CAP2: variants seen among roughly 807,000 people sequenced by gnomAD.
CAP2 encodes adenylyl cyclase-associated protein 2.
A neutral mutation model predicts 57.7 loss-of-function variants in CAP2; 24 were observed. The observed-to-expected ratio is 0.42, with a 90% CI of 0.30 to 0.58. CAP2 has a LOEUF of 0.58. Among genes scored for constraint, CAP2 ranks in the 20% least tolerant of loss-of-function variants. The pLI, the probability that CAP2 is intolerant of heterozygous loss-of-function variation, is 0.22. For synonymous variants in CAP2, 194 were observed against 207.2 expected (o/e 0.94, Z 0.55); for missense variants, 501 against 590.3 (o/e 0.85, Z 1.57).
rs946748541 is a variant in CAP2 at position 17,496,061 on chromosome 6, C to T, written c.301-11108C>T. ...GGGGTAAGTCAGGGAAAACAGGCTG[C>T]TTTACCTCTGTTAAATGCCCTTGAA... is the stretch of plus-strand genomic sequence containing the variant. On this transcript the variant is annotated intron_variant, in intron 4 of 12. Coordinates refer to ENST00000229922, the MANE Select transcript of CAP2 (RefSeq NM_006366.3). Among the ~76,000 whole-genome samples, 36 of 141,826 alleles carry T rather than the reference C, an allele frequency of 2.5e-4. No individual in the cohort carries two copies. In the East Asian group the frequency reaches 6.0e-3, roughly 24 times the overall value. 93.0% of individuals were successfully genotyped at this position (141,826 alleles called of 152,430 possible). A position where few individuals can be genotyped will look rare whatever the true frequency, so the allele number is the denominator to read the frequency against.
intron 7 of CAP2, among the ~76,000 whole-genome samples, chr6:17,537,206 A>G (rs929728002): frequency 3.3e-5 from 5 of 152,154 alleles, no homozygotes; most frequent in Non-Finnish European, 7.4e-5. Flanking sequence ...TTGCTTTGAG[A>G]CAGGGTCTCA....
intron 3 of CAP2, among the ~76,000 whole-genome samples, chr6:17,457,608 T>G (rs1175514833): frequency 6.6e-6 from 1 of 152,154 alleles, no homozygotes; most frequent in East Asian, 1.9e-4. Flanking sequence ...CTCAGAAAGG[T>G]TTTGTCTACA....
At chr6:17,420,339 A>G (rs1445559581) in intron 1 of CAP2, among the ~76,000 whole-genome samples, 1 of 152,272 alleles carries the variant, frequency 6.6e-6, no homozygotes, top group African/African-American at 2.4e-5. Context: ...ACCATTTGTC[A>G]TATTTTAAAT....
chr6:17,507,812 T>G lies in CAP2; in HGVS notation c.530+86T>G, dbSNP rs773436126. The G allele has an allele frequency of 6.6e-6, 5 of 762,880 alleles. No homozygotes were observed. The African/African-American group carries it at 8.6e-5, about 13-fold the overall frequency. The allele number at this position is 762,880 out of a possible 1,614,324, so 47.3% of individuals were successfully genotyped here. A position where few individuals can be genotyped will look rare whatever the true frequency, so the allele number is the denominator to read the frequency against. ...AAAACTCAGTCCAGTTAACTACTGA[T>G]TCCTTTCCAAGGCTCTACACTAATG... is the stretch of plus-strand genomic sequence containing the variant. On this transcript the variant is annotated intron_variant, in intron 6 of 12. Transcript: ENST00000229922.
chr6:17,477,097 C>T (rs895094916), intron 4 of CAP2, among the ~76,000 whole-genome samples: 1 of 152,154 alleles, frequency 6.6e-6, no homozygotes, highest in Non-Finnish European at 1.5e-5. Flanking sequence ...TCTCAATCTC[C>T]TGACCTCAGG....
At chr6:17,426,830 AT>A in intron 3 of CAP2, 140 bp downstream of exon 3, 1 of 642,508 alleles carries the variant, frequency 1.6e-6, no homozygotes. Flanking sequence ...TAAAACATTC[AT>A]TTACCCATTT....
At chr6:17,397,452 T>C (rs925173874) in intron 1 of CAP2, among the ~76,000 whole-genome samples, 1 of 151,638 alleles carries the variant, frequency 6.6e-6, no homozygotes, top group Non-Finnish European at 1.5e-5. Flanking sequence ...CCCAACATTT[T>C]GGGAGGCCGA....
At chr6:17,474,185 C>CTTTTTTTT (rs544909381) in intron 4 of CAP2, among the ~76,000 whole-genome samples, 98 of 93,198 alleles carry the variant, frequency 1.1e-3, no homozygotes, top group South Asian at 2.0e-3. Context: ...AAAAAACAGT[C>CTTTTTTTT]TTTTTTTTTT....
chr6:17,420,063 G>T (rs1759395834), intron 1 of CAP2, among the ~76,000 whole-genome samples: 1 of 151,994 alleles, frequency 6.6e-6, no homozygotes, highest in Non-Finnish European at 1.5e-5. Flanking sequence ...GTAGAGACGG[G>T]GTTTCACCAT....
At chr6:17,461,853 C>T (rs1487657867) in intron 3 of CAP2, among the ~76,000 whole-genome samples, 3 of 150,880 alleles carry the variant, frequency 2.0e-5, no homozygotes, top group East Asian at 2.0e-4. Context: ...ATTAGCCAGG[C>T]GTGGTGGCGG....
intron 3 of CAP2, among the ~76,000 whole-genome samples, chr6:17,430,425 T>G (rs1019715170): frequency 2.0e-5 from 3 of 152,214 alleles, no homozygotes; most frequent in African/African-American, 7.2e-5. Flanking sequence ...TAATAGATAT[T>G]GGGTAAATAG....
intron 4 of CAP2, among the ~76,000 whole-genome samples, chr6:17,493,111 C>T (rs1282651718): frequency 1.3e-5 from 2 of 152,196 alleles, no homozygotes; most frequent in Non-Finnish European, 2.9e-5. Context: ...TAGAGAGGTA[C>T]ATTTTATTTC....
At chr6:17,476,512 T>C (rs1049304744) in intron 4 of CAP2, among the ~76,000 whole-genome samples, 2 of 152,236 alleles carry the variant, frequency 1.3e-5, no homozygotes, top group African/African-American at 4.8e-5. Flanking sequence ...AATCATTCTG[T>C]AATTCTCTAA....
intron 3 of CAP2, among the ~76,000 whole-genome samples, chr6:17,430,844 G>T (rs562352238): frequency 6.6e-6 from 1 of 152,246 alleles, no homozygotes; most frequent in East Asian, 1.9e-4. Context: ...GCCATTAGGG[G>T]TTATTTTTTA....
chr6:17,404,301 T>C (rs1758891674), intron 1 of CAP2, among the ~76,000 whole-genome samples: 1 of 151,838 alleles, frequency 6.6e-6, no homozygotes, highest in Non-Finnish European at 1.5e-5. Flanking sequence ...TAAAACTCTA[T>C]CTCTATTAAA....
chr6:17,523,582 T>C (rs1313229454), intron 7 of CAP2, among the ~76,000 whole-genome samples: 4 of 152,128 alleles, frequency 2.6e-5, no homozygotes, highest in Non-Finnish European at 5.9e-5. Flanking sequence ...ATTTCAAGAA[T>C]GGGGTAAACT....
intron 3 of CAP2, among the ~76,000 whole-genome samples, chr6:17,434,894 A>G (rs1759831247): frequency 6.7e-6 from 1 of 149,726 alleles, no homozygotes; most frequent in African/African-American, 2.5e-5. Context: ...ACTTCTCAAA[A>G]GAAGACATTT....
intron 7 of CAP2, among the ~76,000 whole-genome samples, 154 bp from the exon 8 acceptor site, chr6:17,539,115 A>AC (rs1762840837): frequency 6.6e-6 from 1 of 152,220 alleles, no homozygotes; most frequent in Non-Finnish European, 1.5e-5. Flanking sequence ...ATCCTCCCAA[A>AC]CAGACCCATG....
chr6:17,504,958 C>T (rs1436353475), intron 4 of CAP2, among the ~76,000 whole-genome samples: 2 of 152,180 alleles, frequency 1.3e-5, no homozygotes, highest in Non-Finnish European at 2.9e-5. Context: ...TGGAGCTTCT[C>T]ATATCTTGAA....
Sources: gnomAD v4.1 joint callset for allele counts (sites outside exome capture counted in the v4.1 genomes callset) on GRCh38, gnomAD v4.1.1 for gene constraint, MANE v1.5 for transcripts, NCBI Gene and HGNC (gene_info 2026-07-23, HGNC 2026-07-21) for gene names.